The following PRSS55 variants were observed in gnomAD, a reference collection of about 807,000 sequenced individuals.
PRSS55 encodes the protein probable serine protease UNQ9391/PRO34284.
A neutral mutation model predicts 23.6 loss-of-function variants in PRSS55; 41 were observed. That is an observed-to-expected ratio of 1.74 (90% confidence interval 1.35 to 2.26). The LOEUF (loss-of-function observed/expected upper bound fraction) is 2.26. Among genes scored for constraint, PRSS55 ranks in the 30% most tolerant of loss-of-function variants. The probability of loss-of-function intolerance (pLI) is 0.00; values close to 1 mark genes in which losing one functional copy is unlikely to be tolerated. For synonymous variants in PRSS55, 262 were observed against 175.5 expected (o/e 1.49, Z -3.90); for missense variants, 669 against 439.1 (o/e 1.52, Z -4.68).
downstream of PRSS55, among the ~76,000 whole-genome samples, chr8:10,543,420 C>CTTTTCT (rs376890501): frequency 1.8e-3 from 210 of 113,936 alleles, 6 homozygotes; most frequent in Middle Eastern, 4.5e-3. Flanking sequence ...TTTCTTCTTT[C>CTTTTCT]TTTCTTCCTT....
chr8:10,535,071 G>C (rs1472467243), intron 4 of PRSS55, among the ~76,000 whole-genome samples: 1 of 151,998 alleles, frequency 6.6e-6, no homozygotes, highest in Non-Finnish European at 1.5e-5. Context: ...TCTGAGACAA[G>C]ATAAACAAAT....
intron 4 of PRSS55, among the ~76,000 whole-genome samples, chr8:10,550,838 G>A (rs1375827034): frequency 6.6e-6 from 1 of 152,240 alleles, no homozygotes; most frequent in African/African-American, 2.4e-5. Flanking sequence ...GCACGTGTGT[G>A]TGCGTGAGCA....
In PRSS55 at chr8:10,538,791, TGATAATAAAATA is replaced by T. The variant is rs1812550825; in HGVS notation, c.*1_*12del. The T allele has an allele frequency of 5.8e-6, 9 of 1,551,820 alleles. No homozygotes were observed. The East Asian group carries it at 2.0e-4, about 35-fold the overall frequency. On this transcript the variant is annotated stop_retained_variant and 3_prime_UTR_variant, in exon 5 of 5. Transcript: ENST00000328655. ...TGTGTTGTTCAGAGCTATTTTGTAC[TGATAATAAAATA>T]GAGGCTATTCTTTCAACCGAGGGAG... is the stretch of plus-strand genomic sequence containing the variant.
rs202204763 is a variant in PRSS55, at chr8:10,526,871, A to G, written c.154+1132A>G. On this transcript the variant is annotated intron_variant, in intron 1 of 4. Transcript: ENST00000328655. ...TAGGAATGAAGAAAGGGGGGTGGGT[A>G]CCCAACGATAAGTAGCTTTCCCTAA... Among the ~76,000 whole-genome samples, 5 of 152,194 alleles carry G rather than the reference A, an allele frequency of 3.3e-5. No homozygotes were observed. In the East Asian group the frequency reaches 9.6e-4, roughly 29 times the overall value.
downstream of PRSS55, among the ~76,000 whole-genome samples, chr8:10,539,590 C>A (rs1485172495): frequency 6.6e-6 from 1 of 152,216 alleles, no homozygotes; most frequent in African/African-American, 2.4e-5. Flanking sequence ...GTGGGAGGGA[C>A]CCACTGGGAG....
intron 4 of PRSS55, among the ~76,000 whole-genome samples, chr8:10,548,225 A>AT (rs1812866976): frequency 6.6e-6 from 1 of 152,092 alleles, no homozygotes; most frequent in African/African-American, 2.4e-5. Context: ...AGTGGGGTGC[A>AT]GTTCCCAGAT....
chr8:10,527,593 A>G (rs181854866), intron 1 of PRSS55, among the ~76,000 whole-genome samples: 64 of 152,352 alleles, frequency 4.2e-4, no homozygotes, highest in Non-Finnish European at 5.4e-4. Flanking sequence ...GTAGGGAGGA[A>G]GTGAGCCAGG....
intron 4 of PRSS55, among the ~76,000 whole-genome samples, chr8:10,535,166 T>G (rs977559611): frequency 3.3e-5 from 5 of 152,178 alleles, no homozygotes; most frequent in Non-Finnish European, 7.4e-5. Context: ...GATTCAATAC[T>G]ATCCCTATCA....
intron 4 of PRSS55, among the ~76,000 whole-genome samples, chr8:10,548,742 G>C (rs1038191844): frequency 1.3e-5 from 2 of 148,892 alleles, no homozygotes; most frequent in African/African-American, 4.9e-5. Flanking sequence ...CTCAGACTTG[G>C]ATCCGCAGGG....
At chr8:10,547,824 C>A (rs1812855939) in intron 4 of PRSS55, among the ~76,000 whole-genome samples, 1 of 144,224 alleles carries the variant, frequency 6.9e-6, no homozygotes, top group African/African-American at 2.5e-5. Flanking sequence ...CTTTTATGTG[C>A]CGTTGCTGTT....
chr8:10,535,444 G>C (rs1443489026), intron 4 of PRSS55, among the ~76,000 whole-genome samples: 1 of 152,174 alleles, frequency 6.6e-6, no homozygotes, highest in Non-Finnish European at 1.5e-5. Context: ...CTTCATCAAA[G>C]TCAACAATAA....
intron 1 of PRSS55, 55 bp downstream of exon 1, chr8:10,525,794 C>T (rs879183084): frequency 1.3e-6 from 2 of 1,518,054 alleles, no homozygotes; most frequent in South Asian, 2.5e-5. Context: ...AGCTGACTGG[C>T]TGCCAGGAGG....
At chr8:10,538,977 T>G (rs1322320949), downstream of PRSS55, among the ~76,000 whole-genome samples, 7 of 151,878 alleles carry the variant, frequency 4.6e-5, no homozygotes, top group Admixed American at 4.6e-4. Context: ...AGTCAGGACT[T>G]TTTCCATTCT....
exon 5 of PRSS55, chr8:10,554,049 C>T: frequency 2.7e-6 from 4 of 1,496,880 alleles, no homozygotes; most frequent in Non-Finnish European, 3.6e-6. Context: ...GCTCTTTCTT[C>T]TACATGGAGC....
At position 10,546,966 on chromosome 8, in the gene PRSS55, G is replaced by A. The variant is rs144965012; in HGVS notation, c.742-6977G>A. Among the ~76,000 whole-genome samples the A allele has an allele frequency of 8.1e-3, 1,228 of 152,252 alleles. 23 individuals are homozygous for A. Among genetic ancestry groups the A allele is most frequent in the African/African-American group, 0.028 (1,160 of 41,546 alleles). On this transcript the variant is annotated intron_variant, in intron 4 of 4. Coordinates refer to the PRSS55 transcript ENST00000522210. ...CAAAGTGCTGGGATTACAGGTGTGAGCCACGGTGTCCGACCCAGCCCTCAG... is the reference window on the plus strand; with the variant it reads ...CAAAGTGCTGGGATTACAGGTGTGAACCACGGTGTCCGACCCAGCCCTCAG...
chr8:10,539,430 C>T (rs1258709617), downstream of PRSS55, among the ~76,000 whole-genome samples: 4 of 152,362 alleles, frequency 2.6e-5, no homozygotes, highest in South Asian at 2.1e-4. Context: ...TAAAAACGAA[C>T]GATGTGCTTA....
intron 4 of PRSS55, among the ~76,000 whole-genome samples, chr8:10,548,335 G>T (rs954259943): frequency 2.6e-5 from 4 of 152,126 alleles, no homozygotes; most frequent in Admixed American, 2.6e-4. Flanking sequence ...CCAGGCAGGT[G>T]ACAGACACAG....
intron 4 of PRSS55, among the ~76,000 whole-genome samples, chr8:10,535,905 G>C (rs1307495862): frequency 6.6e-6 from 1 of 152,132 alleles, no homozygotes; most frequent in South Asian, 2.1e-4. Context: ...TGGGCAGAGG[G>C]GCCGGGAGCG....
intron 1 of PRSS55, among the ~76,000 whole-genome samples, chr8:10,526,142 G>C (rs961721159): frequency 3.3e-5 from 5 of 152,110 alleles, no homozygotes; most frequent in African/African-American, 1.2e-4. Flanking sequence ...CTTGTGCCCG[G>C]CCCCCCAGAG....
Sources: allele counts gnomAD v4.1 joint callset (sites outside exome capture counted in the v4.1 genomes callset), GRCh38; gene constraint gnomAD v4.1.1; transcripts MANE v1.5; gene names NCBI Gene and HGNC (gene_info 2026-07-23, HGNC 2026-07-21).